Variants in NCEH1 observed in about 807,000 individuals in gnomAD.
NCEH1 encodes 2-acetyl MAGE hydrolase.
A neutral mutation model predicts 25.4 loss-of-function variants in NCEH1; 9 were observed. That is an observed-to-expected ratio of 0.35 (90% CI 0.21 to 0.62). The LOEUF (loss-of-function observed/expected upper bound fraction) is 0.62, where lower values mean the gene tolerates loss of function less well. Ranked by LOEUF, NCEH1 falls within the 20% of genes least tolerant of loss-of-function variation. The pLI is 0.72. For synonymous variants in NCEH1, 200 were observed against 199.8 expected (o/e 1.00, Z -0.01); for missense variants, 412 against 501.1 (o/e 0.82, Z 1.70).
At chr3:172,674,854 T>G (rs907868880) in intron 1 of NCEH1, among the ~76,000 whole-genome samples, 1 of 152,226 alleles carries the variant, frequency 6.6e-6, no homozygotes, top group Non-Finnish European at 1.5e-5. Context: ...AAAAATTTAG[T>G]CAAAGTTGTT....
intron 1 of NCEH1, among the ~76,000 whole-genome samples, chr3:172,687,227 C>T (rs1712749466): frequency 6.6e-6 from 1 of 152,182 alleles, no homozygotes; most frequent in South Asian, 2.1e-4. Context: ...CTGCGTGATA[C>T]TATTCTGACC....
chr3:172,681,676 G>A (rs1444390466), intron 1 of NCEH1, among the ~76,000 whole-genome samples: 1 of 150,156 alleles, frequency 6.7e-6, no homozygotes, highest in Non-Finnish European at 1.5e-5. Flanking sequence ...CATCACTTGA[G>A]GTCAGGAGTT....
At chr3:172,699,745 G>A (rs1001120820) in intron 1 of NCEH1, among the ~76,000 whole-genome samples, 6 of 152,008 alleles carry the variant, frequency 3.9e-5, no homozygotes, top group Admixed American at 1.3e-4. Context: ...TATGCCTGTG[G>A]TCCCAGCTAC....
intron 1 of NCEH1, among the ~76,000 whole-genome samples, chr3:172,691,971 AAG>A (rs1219208279): frequency 5.8e-4 from 14 of 24,238 alleles, no homozygotes; most frequent in African/African-American, 1.8e-3. Flanking sequence ...AAAAAAAAGA[AAG>A]AAAGAAAGAA....
intron 1 of NCEH1, among the ~76,000 whole-genome samples, chr3:172,659,341 T>TA (rs756478384): frequency 6.6e-6 from 1 of 152,128 alleles, no homozygotes; most frequent in Non-Finnish European, 1.5e-5. Context: ...CTGGTTAAGT[T>TA]AGTTTACTTG....
intron 1 of NCEH1, among the ~76,000 whole-genome samples, chr3:172,684,597 C>A (rs577317667): frequency 6.6e-6 from 1 of 152,244 alleles, no homozygotes; most frequent in Admixed American, 6.5e-5. Flanking sequence ...ACATAAGGAG[C>A]CAATCGAAAG....
At chr3:172,691,746 G>A (rs1319428195) in intron 1 of NCEH1, among the ~76,000 whole-genome samples, 3 of 152,290 alleles carry the variant, frequency 2.0e-5, no homozygotes, top group Non-Finnish European at 4.4e-5. Context: ...TCAGGAGATC[G>A]AGACCATCCT....
At position 172,689,779 on chromosome 3, in the gene NCEH1, G is replaced by C. The variant is rs558778004; in HGVS notation, c.138+21068C>G. On this transcript the variant is annotated intron_variant, in intron 1 of 4. Coordinates refer to ENST00000475381, the MANE Select transcript of NCEH1 (RefSeq NM_020792.6). ...TTCTCAGGGTAGTATAGTAAAATTG[G>C]AAAGACTGAGAGTAAAATAGACCAT... Among the ~76,000 whole-genome samples the C allele has an allele frequency of 3.3e-3, 495 of 151,636 alleles. 2 individuals are homozygous for C. Among genetic ancestry groups the C allele is most frequent in the African/African-American group, 0.011 (437 of 41,434 alleles).
At position 172,685,656 on chromosome 3, in the gene NCEH1, T is replaced by C. The variant is rs1712655797; in HGVS notation, c.138+25191A>G. Among the ~76,000 whole-genome samples the C allele has an allele frequency of 2.0e-5, 3 of 152,204 alleles. No homozygotes were observed. The South Asian group carries it at 6.2e-4, about 32-fold the overall frequency. On this transcript the variant is annotated intron_variant, in intron 1 of 4. Transcript: ENST00000475381. ...TCTCAATGCTTCTGCAACCCTAACT[T>C]TTTTTTTCTCTTCCCCTTCATCGAC...
chr3:172,658,868 T>A (rs1337208171), intron 1 of NCEH1, among the ~76,000 whole-genome samples: 20 of 117,248 alleles, frequency 1.7e-4, no homozygotes, highest in Admixed American at 1.5e-3. Context: ...TTTTTTTTTT[T>A]TACTATCAAC....
intron 1 of NCEH1, among the ~76,000 whole-genome samples, chr3:172,668,951 T>C (rs1409458949): frequency 7.3e-5 from 11 of 151,640 alleles, no homozygotes; most frequent in Non-Finnish European, 1.3e-4. Flanking sequence ...ACTCCTGTAC[T>C]AGCCTCTCAA....
intron 1 of NCEH1, among the ~76,000 whole-genome samples, chr3:172,689,855 G>A (rs1159657121): frequency 1.3e-5 from 2 of 151,224 alleles, no homozygotes; most frequent in Admixed American, 1.3e-4. Context: ...GGGGGAAAAT[G>A]TTTAACCCCT....
intron 1 of NCEH1, among the ~76,000 whole-genome samples, chr3:172,676,136 AG>A (rs1476382481): frequency 2.6e-5 from 4 of 152,126 alleles, no homozygotes; most frequent in Non-Finnish European, 2.9e-5. Flanking sequence ...GCTTCTCTTG[AG>A]GGGGGAAATA....
intron 1 of NCEH1, among the ~76,000 whole-genome samples, chr3:172,687,440 C>T (rs1712761691): frequency 6.6e-6 from 1 of 152,158 alleles, no homozygotes; most frequent in Non-Finnish European, 1.5e-5. Flanking sequence ...TTCTGAATCT[C>T]TGAAGCACAG....
intron 1 of NCEH1, among the ~76,000 whole-genome samples, chr3:172,654,469 G>A (rs553224084): frequency 3.9e-5 from 6 of 152,334 alleles, no homozygotes; most frequent in African/African-American, 1.4e-4. Flanking sequence ...ATATTCCAAT[G>A]TTTCTAGGGA....
rs763574057 is a variant in NCEH1, at chr3:172,633,524, C to T, written c.1178G>A (p.Gly393Glu). The T allele has an allele frequency of 5.0e-6, 8 of 1,614,070 alleles. No homozygotes were observed. The highest frequency in any genetic ancestry group is 6.8e-6 in the Non-Finnish European group (8 of 1,179,966). The stretch of plus-strand genomic sequence containing the variant: ...GATGTAACTATTCCTAGTCCGGATT[C>T]CCACTGAGAAGTTGGTGGGCCAGCT... ...FTSWPTNFSV[G>E]IRTRNSYIKW... is the part of the protein sequence containing the mutation. The change falls in exon 5 of 5, where the codon GGA becomes GAA. Residue 393 changes from glycine (G) to glutamate (E), a missense_variant. Gly to Glu is a moderately conservative substitution (Grantham distance 98). This residue lies in a region of NCEH1 where 210 missense variants were observed against 258.2 expected (regional missense o/e 0.81). Transcript: ENST00000475381.
At chr3:172,645,857 A>T (rs776736467) in intron 2 of NCEH1, among the ~76,000 whole-genome samples, 165 bp from the exon 3 acceptor site, 16 of 152,250 alleles carry the variant, frequency 1.1e-4, no homozygotes, top group Non-Finnish European at 2.4e-4. Flanking sequence ...CACATGAAAA[A>T]TTAAATCTGA....
At chr3:172,673,237 A>G (rs1711748669) in intron 1 of NCEH1, among the ~76,000 whole-genome samples, 1 of 152,234 alleles carries the variant, frequency 6.6e-6, no homozygotes, top group Non-Finnish European at 1.5e-5. Context: ...CCATTGTCAT[A>G]GTAGCTCTAC....
chr3:172,678,857 T>C (rs1028440815), intron 1 of NCEH1, among the ~76,000 whole-genome samples: 4 of 152,176 alleles, frequency 2.6e-5, no homozygotes, highest in African/African-American at 9.7e-5. Flanking sequence ...AAATGCTTGT[T>C]CCCTGGTGCC....
Sources: allele counts gnomAD v4.1 joint callset (sites outside exome capture counted in the v4.1 genomes callset), GRCh38; gene constraint gnomAD v4.1.1; regional missense constraint gnomAD v4.1.1; transcripts MANE v1.5; gene names NCBI Gene and HGNC (gene_info 2026-07-23, HGNC 2026-07-21).